MTERF4: variants seen among roughly 807,000 people sequenced by gnomAD.
MTERF4 encodes transcription termination factor 4, mitochondrial.
MTERF4 carries 17 observed loss-of-function variants against 22.5 expected under a neutral mutation model. That is an observed-to-expected ratio of 0.75 (90% CI 0.52 to 1.13). MTERF4 has a LOEUF of 1.13. Ranked by LOEUF, MTERF4 falls within the 50% of genes most tolerant of loss-of-function variation. MTERF4 has a pLI of 0.00. For synonymous variants in MTERF4, 165 were observed against 175.3 expected, an observed-to-expected ratio of 0.94 and a Z score of 0.47; for missense variants, 420 against 466.8, an observed-to-expected ratio of 0.90 and a Z score of 0.92.
downstream of MTERF4, chr2:241,070,300 G>GCCC: frequency 7.8e-7 from 1 of 1,279,704 alleles, no homozygotes; most frequent in Non-Finnish European, 1.1e-6. Flanking sequence ...GGGATGCCAG[G>GCCC]CAGACAGCCT....
At chr2:241,100,076 G>A in intron 1 of MTERF4, 182 bp from the exon 2 acceptor site, 1 of 668,486 alleles carries the variant, frequency 1.5e-6, no homozygotes, top group South Asian at 2.3e-5. Flanking sequence ...CAAAGAACAG[G>A]GTATTTCAAG....
At chr2:241,071,931 G>A (rs2062742984), downstream of MTERF4, 2 of 1,398,824 alleles carry the variant, frequency 1.4e-6, no homozygotes, top group Non-Finnish European at 9.9e-7. Flanking sequence ...CGTCCTCACT[G>A]CCACTCTCAC....
rs77916224 is a variant in MTERF4, at chr2:241,073,510, G to C, written n.2652C>G. The C allele has an allele frequency of 5.1e-3, 3,584 of 705,924 alleles. 98 individuals carry two copies. The African/African-American group carries it at 0.054, about 11-fold the overall frequency. The allele number at this position is 705,924 out of a possible 1,614,324, so 43.7% of individuals were successfully genotyped here. ...GGGAGGCTGAGCACCAGGCACCCCG[G>C]TGTGGGAAGATGGGGTGAAGCTACA... On this transcript the variant is annotated non_coding_transcript_exon_variant, in exon 5 of 5. Transcript: ENST00000464344. The surrounding 1 kb of genome is among the most constrained non-coding windows in gnomAD (Gnocchi z 6.6).
chr2:241,101,938 A>T (rs1334525421), intron 1 of MTERF4, among the ~76,000 whole-genome samples: 1 of 152,104 alleles, frequency 6.6e-6, no homozygotes, highest in Non-Finnish European at 1.5e-5. Flanking sequence ...CTGTAATCCC[A>T]GCTACTTGGG....
rs17855698 is a variant in MTERF4 at position 241,096,225 on chromosome 2, A to G, written c.919T>C (p.Cys307Arg). ...SEAEFLARTA[C>R]TSVEEFQVFK... Reference sequence around the variant, plus strand: ...ACTTGAAACTCCTCAACAGAAGTACAGGCTGTCCTGGCCAAAAACTCAGCT... The same window carrying G: ...ACTTGAAACTCCTCAACAGAAGTACGGGCTGTCCTGGCCAAAAACTCAGCT... Residue 307 changes from cysteine to arginine, a missense_variant, in exon 4 of 4, where the codon TGT becomes CGT. Coordinates refer to ENST00000391980, the MANE Select transcript of MTERF4 (RefSeq NM_182501.4). The surrounding 1 kb of genome is among the most constrained non-coding windows in gnomAD (Gnocchi z 5.1). 1.2e-3 allele frequency: 1,959 copies of G among 1,614,162 alleles called. 23 individuals carry two copies. The African/African-American group carries it at 0.023, about 19-fold the overall frequency.
downstream of MTERF4, chr2:241,071,447 C>G: frequency 1.8e-6 from 2 of 1,093,322 alleles, no homozygotes; most frequent in Non-Finnish European, 2.6e-6. Context: ...ATGACCACGG[C>G]CCACGCACAT....
Position 241,073,394 on chromosome 2 carries a change from GGACT to G in MTERF4, n.2764_2767del, listed in dbSNP as rs1336182289. 7.9e-6 allele frequency: 12 copies of G among 1,524,818 alleles called. No individual in the cohort carries two copies. The highest frequency in any genetic ancestry group is 7.8e-5 in the Admixed American group (4 of 51,046). The allele number at this position is 1,524,818 out of a possible 1,614,324, so 94.5% of individuals were successfully genotyped here. A position where few individuals can be genotyped will look rare whatever the true frequency, so the allele number is the denominator to read the frequency against. ...GTCAGCAGCGCTGGTGGGGACTTTGGGACTGACTGACTGCTCTCAGGGGCCTTAG... is the reference window on the plus strand; with the variant it reads ...GTCAGCAGCGCTGGTGGGGACTTTGGGACTGACTGCTCTCAGGGGCCTTAG... On this transcript the variant is annotated non_coding_transcript_exon_variant, in exon 5 of 5. Transcript: ENST00000464344. The surrounding 1 kb of genome is among the most constrained non-coding windows in gnomAD (Gnocchi z 6.6).
At chr2:241,063,816 C>A in the MTERF4 span, 1 of 882,190 alleles carries the variant, frequency 1.1e-6, no homozygotes, top group Non-Finnish European at 1.7e-6. Context: ...AGAGGGACCC[C>A]CAGGGCTGCG....
chr2:241,044,612 C>A, the MTERF4 span, among the ~76,000 whole-genome samples: 1 of 152,326 alleles, frequency 6.6e-6, no homozygotes, highest in South Asian at 2.1e-4. Flanking sequence ...AAGTGGGCAT[C>A]CACACGGACA....
chr2:241,089,837 T>C (rs2063797430), downstream of MTERF4: 19 of 1,376,352 alleles, frequency 1.4e-5, no homozygotes, highest in Non-Finnish European at 1.8e-5. Context: ...CTAGGCTGTG[T>C]GGCAGAGCCC....
the MTERF4 span, among the ~76,000 whole-genome samples, chr2:241,053,879 G>A: frequency 6.6e-6 from 1 of 152,232 alleles, no homozygotes; most frequent in African/African-American, 2.4e-5. Flanking sequence ...ACACCCTGCA[G>A]GTGCATCGCA....
chr2:241,055,767 G>A, the MTERF4 span, among the ~76,000 whole-genome samples: 1 of 152,218 alleles, frequency 6.6e-6, no homozygotes, highest in Non-Finnish European at 1.5e-5. Context: ...AGAAGCCAGG[G>A]ACTGGTCTGT....
the MTERF4 span, among the ~76,000 whole-genome samples, chr2:241,050,995 G>C: frequency 2.4e-4 from 36 of 152,360 alleles, 2 homozygotes; most frequent in South Asian, 7.2e-3. Flanking sequence ...TCTGACCCCG[G>C]AGGGAGTACG....
the MTERF4 span, chr2:241,049,020 A>G: frequency 1.2e-6 from 2 of 1,610,210 alleles, no homozygotes; most frequent in Non-Finnish European, 1.7e-6. Context: ...CTTTCTCTCT[A>G]GAAATCACAG....
At chr2:241,071,905 C>T, downstream of MTERF4, 6 of 1,559,822 alleles carry the variant, frequency 3.8e-6, no homozygotes, top group Non-Finnish European at 5.2e-6. Context: ...CCCCACCCAC[C>T]TTGGTGGCCC....
At chr2:241,047,904 T>G in the MTERF4 span, among the ~76,000 whole-genome samples, 2 of 151,792 alleles carry the variant, frequency 1.3e-5, no homozygotes, top group African/African-American at 4.8e-5. Flanking sequence ...GGGTGGTCTC[T>G]CCGGTGCTTC....
At position 241,099,495 on chromosome 2, in the gene MTERF4, C is replaced by G; in HGVS notation, c.421G>C (p.Val141Leu). 3.1e-6 allele frequency: 5 copies of G among 1,614,230 alleles called. No homozygotes were observed. In the Middle Eastern group the frequency reaches 6.6e-4, roughly 213 times the overall value. ...FILLGLNPEP[V>L]CVVLKKSPQL... ...GGACTTTTCTTCAAGACCACACACA[C>G]AGGCTCTGGATTCAGACCCAAGAGA... is the stretch of plus-strand genomic sequence containing the variant. Residue 141 changes from valine (V) to leucine (L), a missense_variant, in exon 2 of 4, where the codon GTG (valine) becomes CTG (leucine). Physicochemically the swap from Val to Leu is conservative, Grantham distance 32. Transcript: ENST00000391980.
At chr2:241,044,270 A>G in the MTERF4 span, among the ~76,000 whole-genome samples, 1 of 152,360 alleles carries the variant, frequency 6.6e-6, no homozygotes, top group African/African-American at 2.4e-5. Flanking sequence ...GTCAAATTGA[A>G]TTGAAAAGCA....
chr2:241,052,679 G>A, the MTERF4 span, among the ~76,000 whole-genome samples: 2 of 66,390 alleles, frequency 3.0e-5, no homozygotes, highest in African/African-American at 7.6e-5. Context: ...CCAGGCAGGT[G>A]AGAGGGTCGG....
Sources: allele counts gnomAD v4.1 joint callset (sites outside exome capture counted in the v4.1 genomes callset), GRCh38; gene constraint gnomAD v4.1.1; non-coding constraint Gnocchi (gnomAD v3.1); transcripts MANE v1.5; gene names NCBI Gene and HGNC (gene_info 2026-07-23, HGNC 2026-07-21).